Variants in BASP1 observed in about 807,000 individuals in gnomAD.
BASP1 encodes brain acid soluble protein 1.
BASP1 carries 1 observed loss-of-function variant against 2.2 expected under a neutral mutation model. The ratio of observed to expected loss-of-function variants is 0.46; its 90% confidence interval spans 0.16 to 2.17. BASP1 has a LOEUF of 2.17. Among genes scored for constraint, BASP1 ranks in the 30% most tolerant of loss-of-function variants. The pLI is 0.27. For missense variants in BASP1, 352 were observed against 327.2 expected (o/e 1.08, Z -0.58); for synonymous variants, 187 against 154.2 (o/e 1.21, Z -1.58).
chr5:17,231,757 C>T (rs1187752674), intron 1 of BASP1, among the ~76,000 whole-genome samples: 3 of 152,210 alleles, frequency 2.0e-5, no homozygotes, highest in Non-Finnish European at 2.9e-5. Flanking sequence ...GATTATGTAA[C>T]GTCTCTGCTC....
chr5:17,222,808 C>T (rs138972540), intron 1 of BASP1, among the ~76,000 whole-genome samples: 16 of 152,110 alleles, frequency 1.1e-4, no homozygotes, highest in East Asian at 9.7e-4. Context: ...TCAACAAGGC[C>T]GTCAGTGCTG....
intron 1 of BASP1, among the ~76,000 whole-genome samples, chr5:17,218,599 C>A (rs1025667884): frequency 5.3e-5 from 8 of 152,098 alleles, no homozygotes; most frequent in Non-Finnish European, 1.5e-5. Flanking sequence ...CCGGCCCCGG[C>A]CCGGGCCCGG....
intron 1 of BASP1, among the ~76,000 whole-genome samples, chr5:17,262,847 C>CTTT (rs1322633508): frequency 1.4e-5 from 2 of 147,074 alleles, no homozygotes; most frequent in African/African-American, 5.4e-5. Flanking sequence ...AAGATCAAAT[C>CTTT]TTCTTTTTTT....
rs534206278 is a variant in BASP1, at chr5:17,222,630, A to G, written c.-10+4820A>G. Among the ~76,000 whole-genome samples, 9 of 152,340 alleles carry G rather than the reference A, an allele frequency of 5.9e-5. No individual in the cohort carries two copies. In the East Asian group the frequency reaches 1.7e-3, roughly 29 times the overall value. On this transcript the variant is annotated intron_variant, in intron 1 of 1. Coordinates refer to ENST00000322611, the MANE Select transcript of BASP1 (RefSeq NM_006317.5). ...AAAACAGCATTCTCCTTTTCCCTCT[A>G]GAAGTCAGAAATGGGATGAAATGGG...
rs969462089 is a variant in BASP1 at position 17,236,924 on chromosome 5, G to A, written c.-10+19114G>A. On this transcript the variant is annotated intron_variant, in intron 1 of 1. Coordinates refer to ENST00000322611, the MANE Select transcript of BASP1 (RefSeq NM_006317.5). This position sits in a 1 kb window ranked among gnomAD's most constrained non-coding sequence, Gnocchi z 4.0. Reference sequence around the variant, plus strand: ...TCTGTATATTTAAAAAGCTGCTTGCGCTACTGTGTCATTCCTCTGGAATTT... The same window carrying A: ...TCTGTATATTTAAAAAGCTGCTTGCACTACTGTGTCATTCCTCTGGAATTT... Among the ~76,000 whole-genome samples, 5 of 152,166 alleles carry A rather than the reference G, an allele frequency of 3.3e-5. No individual in the cohort carries two copies. The highest frequency in any genetic ancestry group is 9.7e-5 in the African/African-American group (4 of 41,428).
intron 1 of BASP1, among the ~76,000 whole-genome samples, chr5:17,219,889 T>G (rs1739363452): frequency 6.6e-6 from 1 of 152,172 alleles, no homozygotes; most frequent in Non-Finnish European, 1.5e-5. Flanking sequence ...GCTGGTTGAT[T>G]AGGTTCGCAA....
At chr5:17,237,621 CTTTT>C (rs10607958) in intron 1 of BASP1, among the ~76,000 whole-genome samples, 11 of 141,382 alleles carry the variant, frequency 7.8e-5, no homozygotes, top group Non-Finnish European at 1.1e-4. Flanking sequence ...CCTGACATTG[CTTTT>C]TTTTTTTTTT....
At position 17,259,063 on chromosome 5, in the gene BASP1, C is replaced by T. The variant is rs535792086; in HGVS notation, c.-9-16145C>T. ...TTCATGCTGCTGATAAAGATAAACCCGAGACTGGGCAATTTACAAAAGAAA... is the reference window on the plus strand; with the variant it reads ...TTCATGCTGCTGATAAAGATAAACCTGAGACTGGGCAATTTACAAAAGAAA... On this transcript the variant is annotated intron_variant, in intron 1 of 1. Coordinates refer to ENST00000322611, the MANE Select transcript of BASP1 (RefSeq NM_006317.5). Among the ~76,000 whole-genome samples, 17 of 152,200 alleles carry T rather than the reference C, an allele frequency of 1.1e-4. No individual in the cohort carries two copies. The South Asian group carries it at 1.2e-3, about 11-fold the overall frequency.
At chr5:17,218,029 T>C (rs1421092630) in intron 1 of BASP1, among the ~76,000 whole-genome samples, 2 of 151,588 alleles carry the variant, frequency 1.3e-5, no homozygotes, top group African/African-American at 4.8e-5. Flanking sequence ...AGTGGGAGGC[T>C]TCAGCCGCTC....
At chr5:17,249,764 G>A (rs1225942021) in intron 1 of BASP1, among the ~76,000 whole-genome samples, 3 of 151,666 alleles carry the variant, frequency 2.0e-5, no homozygotes, top group South Asian at 4.1e-4. Flanking sequence ...TGCATCTTCC[G>A]ACTTTATTAA....
chr5:17,243,543 T>G (rs1013792530), intron 1 of BASP1, among the ~76,000 whole-genome samples: 1 of 152,222 alleles, frequency 6.6e-6, no homozygotes, highest in African/African-American at 2.4e-5. Context: ...AGGTGAGGAT[T>G]GGCCAGGCAC....
intron 1 of BASP1, among the ~76,000 whole-genome samples, chr5:17,267,180 G>T (rs1178538900): frequency 6.6e-6 from 1 of 152,148 alleles, no homozygotes; most frequent in Non-Finnish European, 1.5e-5. Context: ...TAGGAAGCAC[G>T]CTTGCTCAAA....
intron 1 of BASP1, among the ~76,000 whole-genome samples, chr5:17,241,152 T>G (rs1174687699): frequency 1.3e-5 from 2 of 150,360 alleles, no homozygotes; most frequent in Admixed American, 1.3e-4. Flanking sequence ...CAGGCTGGAG[T>G]GCAGTGATGT....
chr5:17,242,486 G>A (rs1739883543), intron 1 of BASP1, among the ~76,000 whole-genome samples: 1 of 151,172 alleles, frequency 6.6e-6, no homozygotes, highest in African/African-American at 2.4e-5. Context: ...AACTTGCATT[G>A]ACACATCATT....
intron 1 of BASP1, among the ~76,000 whole-genome samples, chr5:17,219,401 T>G (rs1739348617): frequency 6.6e-6 from 1 of 152,234 alleles, no homozygotes; most frequent in Non-Finnish European, 1.5e-5. Context: ...GTCTCTCATC[T>G]TTTGCTTTCT....
chr5:17,259,014 A>C (rs1740264420), intron 1 of BASP1, among the ~76,000 whole-genome samples: 1 of 152,246 alleles, frequency 6.6e-6, no homozygotes, highest in Non-Finnish European at 1.5e-5. Flanking sequence ...TGGAAATGGC[A>C]CACTGCATAT....
chr5:17,265,013 T>C (rs548400630), intron 1 of BASP1, among the ~76,000 whole-genome samples: 13 of 152,356 alleles, frequency 8.5e-5, no homozygotes, highest in African/African-American at 3.1e-4. Flanking sequence ...AAATTTGATA[T>C]CATTTTCTTA....
chr5:17,229,785 T>G (rs1015152691), intron 1 of BASP1, among the ~76,000 whole-genome samples: 4 of 12,122 alleles, frequency 3.3e-4, no homozygotes, highest in Non-Finnish European at 7.0e-4. Flanking sequence ...TAGGATTGGG[T>G]TTTTTTTTTT....
In BASP1 at chr5:17,275,604, G is replaced by T. The variant is rs988980851; in HGVS notation, c.388G>T (p.Ala130Ser). 6 of 1,424,182 alleles carry T rather than the reference G, an allele frequency of 4.2e-6. No individual in the cohort carries two copies. In the African/African-American group the frequency reaches 9.0e-5, roughly 21 times the overall value. 88.2% of individuals were successfully genotyped at this position (1,424,182 alleles called of 1,614,324 possible). The change falls in exon 2 of 2, where the codon GCC (alanine) becomes TCC (serine). Residue 130 changes from alanine to serine, a missense_variant. By Grantham distance (99) the Ala-to-Ser change is moderately conservative. Transcript: ENST00000322611. The surrounding 1 kb of genome is among the most constrained non-coding windows in gnomAD (Gnocchi z 5.3). Reference sequence around the variant, plus strand: ...AGCTGCTGAGGCCGCCGCGGCCCCGGCCGAGAGCGCGGCCCCTGCCGCCGG... The same window carrying T: ...AGCTGCTGAGGCCGCCGCGGCCCCGTCCGAGAGCGCGGCCCCTGCCGCCGG... Reference protein sequence around the residue: ...PKAAEAAAAPAESAAPAAGEE... With the variant: ...PKAAEAAAAPSESAAPAAGEE...
Sources: allele counts gnomAD v4.1 joint callset (sites outside exome capture counted in the v4.1 genomes callset), GRCh38; gene constraint gnomAD v4.1.1; non-coding constraint Gnocchi (gnomAD v3.1); transcripts MANE v1.5; gene names NCBI Gene and HGNC (gene_info 2026-07-23, HGNC 2026-07-21).